Variants in PMM2 observed in about 807,000 individuals in gnomAD.
The protein encoded by PMM2 is phosphomannomutase 2.
A neutral mutation model predicts 33.2 loss-of-function variants in PMM2; 35 were observed. The ratio of observed to expected loss-of-function variants is 1.06; its 90% CI spans 0.81 to 1.40. PMM2 has a LOEUF of 1.40. Among genes scored for constraint, PMM2 ranks in the 40% most tolerant of loss-of-function variants. The probability of loss-of-function intolerance (pLI) is 0.00; values close to 1 mark genes in which losing one functional copy is unlikely to be tolerated. For missense variants in PMM2, 386 were observed against 306.0 expected, an observed-to-expected ratio of 1.26 and a Z score of -1.95; for synonymous variants, 153 against 114.7, an observed-to-expected ratio of 1.33 and a Z score of -2.13.
intron 4 of PMM2, chr16:8,806,828 T>A (rs1200332286): frequency 1.9e-5 from 4 of 215,482 alleles, no homozygotes; most frequent in Non-Finnish European, 1.9e-5. Flanking sequence ...GAAACAGCAG[T>A]GAAGCAGCAT....
chr16:8,834,019 ATAG>A (rs1334703658), intron 7 of PMM2, among the ~76,000 whole-genome samples: 2 of 151,794 alleles, frequency 1.3e-5, no homozygotes, highest in Non-Finnish European at 2.9e-5. Context: ...TAGACAGGAG[ATAG>A]TAGGGATGAC....
rs149680871 is a variant in PMM2, at chr16:8,803,659, T to C, written c.179-1108T>C. Among the ~76,000 whole-genome samples, 449 of 152,332 alleles carry C rather than the reference T, an allele frequency of 2.9e-3. 3 individuals are homozygous for C. Among genetic ancestry groups the C allele is most frequent in the South Asian group, 8.3e-3 (40 of 4,828 alleles). Reference sequence around the variant, plus strand: ...TTCCAAACCAAACTGATTATAAGAATCACTGAAGAGCTTTTTTTAAAATTT... The same window carrying C: ...TTCCAAACCAAACTGATTATAAGAACCACTGAAGAGCTTTTTTTAAAATTT... On this transcript the variant is annotated intron_variant, in intron 2 of 7. Coordinates refer to ENST00000268261, the MANE Select transcript of PMM2 (RefSeq NM_000303.3).
chr16:8,847,144 A>G (rs575434052), intron 7 of PMM2, among the ~76,000 whole-genome samples: 2 of 152,222 alleles, frequency 1.3e-5, no homozygotes, highest in African/African-American at 4.8e-5. Flanking sequence ...GATTACAGGC[A>G]TGAGCCACCA....
intron 7 of PMM2, among the ~76,000 whole-genome samples, chr16:8,829,709 C>G (rs2060799038): frequency 6.6e-6 from 1 of 152,152 alleles, no homozygotes; most frequent in Non-Finnish European, 1.5e-5. Flanking sequence ...CGAGGCAGCC[C>G]TGTCAAACTT....
chr16:8,820,222 T>A (rs1023494065), intron 7 of PMM2, among the ~76,000 whole-genome samples: 1 of 151,868 alleles, frequency 6.6e-6, no homozygotes, highest in African/African-American at 2.4e-5. Flanking sequence ...AAAAACAAAA[T>A]TAGCTTAAAA....
chr16:8,825,426 A>G (rs970449575), intron 7 of PMM2, among the ~76,000 whole-genome samples: 1 of 151,470 alleles, frequency 6.6e-6, no homozygotes. Flanking sequence ...CCTGGGTTCA[A>G]GCGATTCTCC....
chr16:8,845,858 C>G (rs1348606954), intron 7 of PMM2, among the ~76,000 whole-genome samples: 4 of 149,002 alleles, frequency 2.7e-5, no homozygotes, highest in African/African-American at 9.9e-5. Context: ...TGGACACAGT[C>G]TTTGTCTCAG....
At chr16:8,802,030 T>C in intron 2 of PMM2, 120 bp downstream of exon 2, 1 of 713,414 alleles carries the variant, frequency 1.4e-6, no homozygotes, top group Non-Finnish European at 2.5e-6. Flanking sequence ...TCTGCTTCCT[T>C]TTTTGGGAAA....
At chr16:8,811,040 C>A in intron 4 of PMM2, 39 bp from the exon 5 acceptor site, 1 of 1,217,606 alleles carries the variant, frequency 8.2e-7, no homozygotes, top group Non-Finnish European at 1.2e-6. Context: ...AAATGAATAA[C>A]GTGTTTTTGG....
At chr16:8,837,789 G>A (rs1402428660) in intron 7 of PMM2, among the ~76,000 whole-genome samples, 1 of 151,980 alleles carries the variant, frequency 6.6e-6, no homozygotes, top group Non-Finnish European at 1.5e-5. Context: ...GTCCCTGCAT[G>A]GTCTGACACC....
chr16:8,814,887 A>G (rs965581110), intron 7 of PMM2, among the ~76,000 whole-genome samples: 3 of 152,188 alleles, frequency 2.0e-5, no homozygotes, highest in Non-Finnish European at 4.4e-5. Flanking sequence ...ACAATACAGT[A>G]TTGTTAACTA....
At chr16:8,832,151 C>T (rs1488885381) in intron 7 of PMM2, 1 of 985,288 alleles carries the variant, frequency 1.0e-6, no homozygotes, top group African/African-American at 1.7e-5. Context: ...GACACAGCCC[C>T]AAGAAGGCTG....
chr16:8,802,588 G>A (rs2060622441), intron 2 of PMM2, among the ~76,000 whole-genome samples: 1 of 152,162 alleles, frequency 6.6e-6, no homozygotes, highest in African/African-American at 2.4e-5. Context: ...CAGCACTTGG[G>A]GAGGCCGAGG....
intron 7 of PMM2, among the ~76,000 whole-genome samples, chr16:8,830,556 G>T (rs1393481915): frequency 6.6e-6 from 1 of 152,056 alleles, no homozygotes; most frequent in Non-Finnish European, 1.5e-5. Flanking sequence ...TTCTGTCCTT[G>T]GGTGGGATCA....
intron 4 of PMM2, chr16:8,809,774 G>GGA (rs2060667971): frequency 1.3e-5 from 2 of 149,356 alleles, no homozygotes; most frequent in African/African-American, 4.8e-5. Flanking sequence ...TGGAAACCGT[G>GGA]GAAAAAAACT....
rs999681403 is a variant in PMM2, at chr16:8,848,963, T to G, written c.*1138T>G. The G allele has an allele frequency of 2.0e-5, 3 of 152,264 alleles. No homozygotes were observed. Among genetic ancestry groups the G allele is most frequent in the Non-Finnish European group, 2.9e-5 (2 of 68,056 alleles). The allele number at this position is 152,264 out of a possible 1,614,324, so 9.4% of individuals were successfully genotyped here. On this transcript the variant is annotated 3_prime_UTR_variant, in exon 8 of 8. Transcript: ENST00000268261. The stretch of plus-strand genomic sequence containing the variant: ...GAACTTTCCTAGGAAACGGTTCATG[T>G]GTCACTTTTCAGGATGTGGAAACAC...
At chr16:8,839,220 G>A (rs112088453) in intron 7 of PMM2, among the ~76,000 whole-genome samples, 1 of 152,032 alleles carries the variant, frequency 6.6e-6, no homozygotes, top group Non-Finnish European at 1.5e-5. Context: ...ATTGAATTTT[G>A]GGAGTAAGGA....
chr16:8,845,762 AC>A (rs752373097), intron 7 of PMM2, among the ~76,000 whole-genome samples: 3 of 146,136 alleles, frequency 2.1e-5, no homozygotes, highest in Non-Finnish European at 4.5e-5. Flanking sequence ...GTTCTCTGTG[AC>A]TTTTACCCAC....
intron 7 of PMM2, among the ~76,000 whole-genome samples, chr16:8,820,778 C>T (rs1238702879): frequency 3.9e-5 from 6 of 152,166 alleles, no homozygotes; most frequent in African/African-American, 7.2e-5. Flanking sequence ...CCACAACCAG[C>T]GTCTGCTTCC....
Sources: allele counts gnomAD v4.1 joint callset (sites outside exome capture counted in the v4.1 genomes callset), GRCh38; gene constraint gnomAD v4.1.1; transcripts MANE v1.5; gene names NCBI Gene and HGNC (gene_info 2026-07-23, HGNC 2026-07-21).